Variants in PTPRK observed in about 807,000 individuals in gnomAD.
PTPRK encodes the protein receptor-type tyrosine-protein phosphatase kappa.
In PTPRK, 75 loss-of-function variants were observed where a neutral mutation model predicts 178.0. The ratio of observed to expected loss-of-function variants is 0.42; its 90% CI spans 0.35 to 0.51. PTPRK has a LOEUF of 0.51. Among genes scored for constraint, PTPRK ranks in the 20% least tolerant of loss-of-function variants. The pLI, the probability that PTPRK is intolerant of heterozygous loss-of-function variation, is 0.02. For synonymous variants in PTPRK, 637 were observed against 620.6 expected (o/e 1.03, Z -0.39); for missense variants, 1,441 against 1,797.8 (o/e 0.80, Z 3.59).
chr6:128,331,277 A>G (rs1385708487), intron 2 of PTPRK, among the ~76,000 whole-genome samples: 2 of 152,144 alleles, frequency 1.3e-5, no homozygotes, highest in Non-Finnish European at 2.9e-5. Context: ...TAGCACTTAC[A>G]TAATGCTCTT....
intron 3 of PTPRK, among the ~76,000 whole-genome samples, chr6:128,258,911 C>G (rs987639198): frequency 5.3e-5 from 8 of 152,154 alleles, no homozygotes; most frequent in African/African-American, 1.9e-4. Context: ...TAACGTGGAG[C>G]TAGCCAATAA....
intron 1 of PTPRK, among the ~76,000 whole-genome samples, chr6:128,486,968 A>G (rs1266904286): frequency 6.6e-6 from 1 of 151,740 alleles, no homozygotes; most frequent in Non-Finnish European, 1.5e-5. Flanking sequence ...GAAAAAAAGA[A>G]AAAATGTATT....
At chr6:128,023,961 C>T (rs1233806020) in intron 13 of PTPRK, among the ~76,000 whole-genome samples, 1 of 152,054 alleles carries the variant, frequency 6.6e-6, no homozygotes, top group African/African-American at 2.4e-5. Context: ...TGAGCCACCA[C>T]ACCAGGCCAA....
chr6:128,170,104 G>T (rs187131260), intron 7 of PTPRK, among the ~76,000 whole-genome samples: 6 of 151,998 alleles, frequency 3.9e-5, no homozygotes, highest in Admixed American at 3.9e-4. Flanking sequence ...TTGGACTATC[G>T]TATGTAAAAT....
chr6:128,350,811 A>G (rs956287039), intron 2 of PTPRK, among the ~76,000 whole-genome samples: 4 of 152,180 alleles, frequency 2.6e-5, no homozygotes, highest in Admixed American at 2.6e-4. Context: ...TAGCTAGTAG[A>G]GCTTTCAATG....
chr6:128,388,590 T>C (rs1368683229), intron 2 of PTPRK, among the ~76,000 whole-genome samples: 4 of 152,192 alleles, frequency 2.6e-5, no homozygotes, highest in East Asian at 1.9e-4. Context: ...TCTCTACATA[T>C]ACTTGTTTTA....
At chr6:128,480,448 A>T (rs956795474) in intron 1 of PTPRK, among the ~76,000 whole-genome samples, 2 of 152,122 alleles carry the variant, frequency 1.3e-5, no homozygotes, top group Non-Finnish European at 2.9e-5. Context: ...CGTCCTGTCT[A>T]AAAAACTACC....
chr6:128,411,819 T>C (rs1842341482), intron 1 of PTPRK, among the ~76,000 whole-genome samples: 2 of 152,176 alleles, frequency 1.3e-5, no homozygotes, highest in South Asian at 4.1e-4. Context: ...AAACCAGAAG[T>C]AGTAAGTGCT....
chr6:128,082,690 G>A (rs772885070), intron 9 of PTPRK, 52 bp from the exon 10 acceptor site: 2 of 1,356,668 alleles, frequency 1.5e-6, no homozygotes, highest in African/African-American at 1.4e-5. Context: ...ATAAGAAACT[G>A]TAAATAAACT....
intron 5 of PTPRK, among the ~76,000 whole-genome samples, chr6:128,220,004 A>G (rs1376484853): frequency 6.6e-6 from 1 of 152,254 alleles, no homozygotes; most frequent in Non-Finnish European, 1.5e-5. Flanking sequence ...AAACTTTGAA[A>G]GCATACCTGT....
chr6:128,241,000 G>T (rs961756866), intron 4 of PTPRK, among the ~76,000 whole-genome samples: 1 of 152,154 alleles, frequency 6.6e-6, no homozygotes, highest in Non-Finnish European at 1.5e-5. Flanking sequence ...ACCATTTTCT[G>T]TGCACTTATG....
Position 128,067,686 on chromosome 6 carries a change from C to A in PTPRK, c.1990G>T (p.Gly664Trp). The change falls in exon 12 of 30, where the codon GGG becomes TGG. Residue 664 changes from glycine to tryptophan, a missense_variant. By Grantham distance (184) the Gly-to-Trp change is radical. Around this residue, in one of 4 missense-constraint regions of PTPRK, gnomAD observed 945 missense variants for 1,080.6 expected, o/e 0.87. Transcript: ENST00000368226. The stretch of plus-strand genomic sequence containing the variant: ...GCAGCAAAGTAATACGGTGCACCCC[C>A]ACTCATGGCATTTTGGTATGTGACA... ...VPVTYQNAMS[G>W]GAPYYFAAEL... 2 of 1,613,800 alleles carry A rather than the reference C, an allele frequency of 1.2e-6. No individual in the cohort carries two copies. The highest frequency in any genetic ancestry group is 2.2e-5 in the East Asian group (1 of 44,854).
intron 2 of PTPRK, among the ~76,000 whole-genome samples, chr6:128,370,689 T>C (rs909031807): frequency 6.6e-6 from 1 of 152,156 alleles, no homozygotes; most frequent in Admixed American, 6.5e-5. Context: ...AAAATCATCA[T>C]TTGTAAATAT....
chr6:128,265,418 C>T (rs949041571), intron 3 of PTPRK, among the ~76,000 whole-genome samples: 3 of 152,132 alleles, frequency 2.0e-5, no homozygotes, highest in African/African-American at 7.2e-5. Flanking sequence ...TAATACTGAT[C>T]ATGTACTAGA....
chr6:128,468,037 G>A (rs1474789135), intron 1 of PTPRK, among the ~76,000 whole-genome samples: 1 of 152,168 alleles, frequency 6.6e-6, no homozygotes, highest in East Asian at 1.9e-4. Flanking sequence ...TGACTTGAGT[G>A]TCACTATAAA....
At chr6:128,368,420 T>A (rs916906986) in intron 2 of PTPRK, among the ~76,000 whole-genome samples, 10 of 151,622 alleles carry the variant, frequency 6.6e-5, no homozygotes, top group African/African-American at 2.4e-4. Context: ...TGCAGACAAA[T>A]CTGTGACGAG....
At chr6:128,514,842 G>A (rs1425815001) in intron 1 of PTPRK, among the ~76,000 whole-genome samples, 3 of 152,026 alleles carry the variant, frequency 2.0e-5, no homozygotes, top group East Asian at 1.9e-4. Context: ...AAAACCTCAC[G>A]AAACTAAGTT....
chr6:128,222,965 A>G (rs1338970357), intron 5 of PTPRK, among the ~76,000 whole-genome samples: 1 of 152,126 alleles, frequency 6.6e-6, no homozygotes, highest in Non-Finnish European at 1.5e-5. Flanking sequence ...ATCAGCTCAT[A>G]TATACTCTTC....
At chr6:128,216,176 A>G (rs959911009) in intron 6 of PTPRK, among the ~76,000 whole-genome samples, 1 of 152,230 alleles carries the variant, frequency 6.6e-6, no homozygotes, top group Non-Finnish European at 1.5e-5. Context: ...TCAAAATGCC[A>G]TCATCTTTCA....
Sources: gnomAD v4.1 joint callset for allele counts (sites outside exome capture counted in the v4.1 genomes callset) on GRCh38, gnomAD v4.1.1 for gene constraint, gnomAD v4.1.1 regional missense constraint, MANE v1.5 for transcripts, NCBI Gene and HGNC (gene_info 2026-07-23, HGNC 2026-07-21) for gene names.